The following DCAF5 variants were observed in gnomAD, a reference collection of about 807,000 sequenced individuals.
DCAF5 encodes DDB1- and CUL4-associated factor 5.
A neutral mutation model predicts 80.7 loss-of-function variants in DCAF5; 9 were observed. The ratio of observed to expected loss-of-function variants is 0.11; its 90% confidence interval spans 0.07 to 0.19. The LOEUF is 0.19. Among genes scored for constraint, DCAF5 ranks in the 10% least tolerant of loss-of-function variants. The pLI, the probability that DCAF5 is intolerant of heterozygous loss-of-function variation, is 1.00. For synonymous variants in DCAF5, 433 were observed against 461.9 expected, an observed-to-expected ratio of 0.94 and a Z score of 0.80; for missense variants, 842 against 1,205.7, an observed-to-expected ratio of 0.70 and a Z score of 4.47.
intron 7 of DCAF5, among the ~76,000 whole-genome samples, chr14:69,069,333 T>C (rs1324709640): frequency 6.6e-6 from 1 of 152,220 alleles, no homozygotes; most frequent in Non-Finnish European, 1.5e-5. Flanking sequence ...CCTCCTGAAC[T>C]ACTGATGAGT....
At position 69,054,413 on chromosome 14, in the gene DCAF5, G is replaced by A. The variant is rs1456208737; in HGVS notation, c.2273C>T (p.Pro758Leu). ...GCCAGTGTCCTGAGAGGTACCCTCT[G>A]GCACCTCTGCCCAAGCATGGCTGCT... ...EHSSHAWAEV[P>L]EGTSQDTGNS... The change falls in exon 9 of 9, where the codon CCA (proline) becomes CTA (leucine). Residue 758 changes from proline (P) to leucine (L), a missense_variant. Pro to Leu is a moderately conservative substitution (Grantham distance 98, BLOSUM62 -3). Coordinates refer to ENST00000341516, the MANE Select transcript of DCAF5 (RefSeq NM_003861.3). 4 of 1,614,044 alleles carry A rather than the reference G, an allele frequency of 2.5e-6. No homozygotes were observed. The South Asian group carries it at 3.3e-5, about 13-fold the overall frequency.
At chr14:69,075,788 C>A (rs1594952317) in intron 6 of DCAF5, among the ~76,000 whole-genome samples, 2 of 152,160 alleles carry the variant, frequency 1.3e-5, no homozygotes, top group East Asian at 3.9e-4. Flanking sequence ...CTGGCCTAAA[C>A]ATACTGATTT....
chr14:69,119,316 G>GA (rs2040637084), intron 2 of DCAF5, 86 bp from the exon 3 acceptor site: 5 of 1,325,726 alleles, frequency 3.8e-6, no homozygotes, highest in Middle Eastern at 1.9e-4. Flanking sequence ...AGTTTTCAGG[G>GA]AAAAAATATG....
intron 7 of DCAF5, among the ~76,000 whole-genome samples, chr14:69,074,558 A>C (rs1369250414): frequency 6.6e-6 from 1 of 152,212 alleles, no homozygotes; most frequent in East Asian, 1.9e-4. Context: ...AATTTCTTTG[A>C]CGTCCTGGGT....
chr14:69,089,478 G>C (rs749416958), intron 6 of DCAF5: 2 of 152,048 alleles, frequency 1.3e-5, no homozygotes, highest in Non-Finnish European at 2.9e-5. Context: ...GTCTGTCAGA[G>C]AGAATAAAAT....
Position 69,051,870 on chromosome 14 carries a change from T to C in DCAF5, c.*1987A>G, listed in dbSNP as rs1449056186. 1 of 152,568 alleles carries C rather than the reference T, an allele frequency of 6.6e-6. No individual in the cohort carries two copies. Among genetic ancestry groups the C allele is most frequent in the Non-Finnish European group, 1.5e-5 (1 of 68,016 alleles). The allele number at this position is 152,568 out of a possible 1,614,324, so 9.5% of individuals were successfully genotyped here. A position where few individuals can be genotyped will look rare whatever the true frequency, so the allele number is the denominator to read the frequency against. ...TGAGTGATCGTATTTTTTTTGTATATAAAGGATTAAAAAATTCCAATTTAA... is the reference window on the plus strand; with the variant it reads ...TGAGTGATCGTATTTTTTTTGTATACAAAGGATTAAAAAATTCCAATTTAA... On this transcript the variant is annotated 3_prime_UTR_variant, in exon 9 of 9. Transcript: ENST00000341516.
At chr14:69,114,402 T>C (rs2040475240) in intron 5 of DCAF5, among the ~76,000 whole-genome samples, 1 of 152,134 alleles carries the variant, frequency 6.6e-6, no homozygotes, top group Non-Finnish European at 1.5e-5. Context: ...TCTGTTAGTG[T>C]TGGTATGAAA....
chr14:69,078,763 T>A (rs1594956704), intron 6 of DCAF5, among the ~76,000 whole-genome samples: 1 of 151,440 alleles, frequency 6.6e-6, no homozygotes, highest in South Asian at 2.1e-4. Context: ...AAATGGGGAG[T>A]TGATGTTTAG....
chr14:69,136,398 G>A (rs1024907022), intron 1 of DCAF5, among the ~76,000 whole-genome samples: 2 of 152,108 alleles, frequency 1.3e-5, no homozygotes, highest in Non-Finnish European at 2.9e-5. Flanking sequence ...TTACAGGCAT[G>A]AGCCACAGCA....
At chr14:69,063,058 T>C (rs977967810) in intron 7 of DCAF5, among the ~76,000 whole-genome samples, 5 of 151,914 alleles carry the variant, frequency 3.3e-5, no homozygotes, top group East Asian at 1.9e-4. Flanking sequence ...AGAATACTTT[T>C]CCCCCCGATA....
chr14:69,128,909 G>A (rs1566780057), intron 1 of DCAF5, among the ~76,000 whole-genome samples: 1 of 152,072 alleles, frequency 6.6e-6, no homozygotes, highest in Non-Finnish European at 1.5e-5. Context: ...CTTGAACTCA[G>A]GAGTTGGAGA....
At chr14:69,069,148 G>T (rs773589581) in intron 7 of DCAF5, among the ~76,000 whole-genome samples, 18 of 152,186 alleles carry the variant, frequency 1.2e-4, no homozygotes, top group Admixed American at 1.0e-3. Flanking sequence ...GTGAATACAT[G>T]TCTAGAAAAA....
chr14:69,113,626 G>A (rs1001987071), intron 5 of DCAF5, among the ~76,000 whole-genome samples: 6 of 152,178 alleles, frequency 3.9e-5, no homozygotes, highest in African/African-American at 1.4e-4. Context: ...TTTCTAGGCA[G>A]CTGTGCTCAA....
chr14:69,123,700 C>CT lies in DCAF5; in HGVS notation c.215-1341dup, dbSNP rs923986061. ...CTCCTCCCAGTGCCTAGTCACTGTT[C>CT]TTTTTTTTTGAGACGGAGTCTCGCA... On this transcript the variant is annotated intron_variant, in intron 1 of 8. Coordinates refer to ENST00000341516, the MANE Select transcript of DCAF5 (RefSeq NM_003861.3). 2.4e-4 allele frequency among the ~76,000 whole-genome samples: 36 copies of CT among 151,372 alleles called. No individual in the cohort carries two copies. In the South Asian group the frequency reaches 4.8e-3, roughly 20 times the overall value.
At chr14:69,112,195 T>C (rs2040392775) in intron 5 of DCAF5, among the ~76,000 whole-genome samples, 1 of 152,168 alleles carries the variant, frequency 6.6e-6, no homozygotes, top group African/African-American at 2.4e-5. Flanking sequence ...TGTTCTAAAG[T>C]GTTGCAGCAA....
intron 8 of DCAF5, among the ~76,000 whole-genome samples, chr14:69,057,947 CAT>C (rs2038040064): frequency 6.6e-6 from 1 of 152,168 alleles, no homozygotes; most frequent in Admixed American, 6.5e-5. Context: ...GCCTGTTTCT[CAT>C]ATGTGTAAAT....
At chr14:69,119,043 C>T in intron 3 of DCAF5, 151 bp downstream of exon 3, 1 of 685,502 alleles carries the variant, frequency 1.5e-6, no homozygotes, top group East Asian at 2.9e-5. Flanking sequence ...TTATTTATTT[C>T]AAACTATTGT....
intron 1 of DCAF5, among the ~76,000 whole-genome samples, chr14:69,146,694 TGA>T (rs2041547746): frequency 6.6e-6 from 1 of 152,246 alleles, no homozygotes; most frequent in Admixed American, 6.5e-5. Flanking sequence ...AATTTATACC[TGA>T]TTCATTGTCC....
intron 1 of DCAF5, among the ~76,000 whole-genome samples, chr14:69,146,516 C>T (rs2041541584): frequency 6.6e-6 from 1 of 152,066 alleles, no homozygotes; most frequent in African/African-American, 2.4e-5. Flanking sequence ...TCTTTCTTTC[C>T]CACCAAATCT....
Sources: gnomAD v4.1 joint callset for allele counts (sites outside exome capture counted in the v4.1 genomes callset) on GRCh38, gnomAD v4.1.1 for gene constraint, MANE v1.5 for transcripts, NCBI Gene and HGNC (gene_info 2026-07-23, HGNC 2026-07-21) for gene names.